EDNRA: variants seen among roughly 807,000 people sequenced by gnomAD.
The protein encoded by EDNRA is endothelin receptor type A.
Under a neutral mutation model 41.4 loss-of-function variants are expected in EDNRA, and 11 were observed. The observed-to-expected ratio is 0.27, with a 90% CI of 0.17 to 0.44. EDNRA has a LOEUF of 0.44. Among genes scored for constraint, EDNRA ranks in the 20% least tolerant of loss-of-function variants. The pLI, the probability that EDNRA is intolerant of heterozygous loss-of-function variation, is 1.00. For synonymous variants in EDNRA, 172 were observed against 183.0 expected (o/e 0.94, Z 0.49); for missense variants, 294 against 531.0 (o/e 0.55, Z 4.39).
intron 2 of EDNRA, among the ~76,000 whole-genome samples, chr4:147,512,602 G>A (rs1729966699): frequency 6.6e-6 from 1 of 152,184 alleles, no homozygotes; most frequent in Non-Finnish European, 1.5e-5. Flanking sequence ...TGCTGTAAGT[G>A]CTTTTCATGT....
In EDNRA at chr4:147,535,749, C is replaced by G. The variant is rs1578815226; in HGVS notation, c.748-128C>G. ...AGCCCCACTCCCAAACCCATCACTG[C>G]AACCAGAGAGCATGATTTTACAGAT... On this transcript the variant is annotated intron_variant, in intron 4 of 7. Coordinates refer to ENST00000651419, the MANE Select transcript of EDNRA (RefSeq NM_001957.4). The G allele has an allele frequency of 3.4e-6, 4 of 1,191,246 alleles. No individual in the cohort carries two copies. The East Asian group carries it at 9.5e-5, about 28-fold the overall frequency. The allele number at this position is 1,191,246 out of a possible 1,614,324, so 73.8% of individuals were successfully genotyped here.
intron 2 of EDNRA, among the ~76,000 whole-genome samples, chr4:147,511,948 C>G (rs1729943391): frequency 6.6e-6 from 1 of 152,222 alleles, no homozygotes; most frequent in African/African-American, 2.4e-5. Context: ...CCACTCACAA[C>G]ACATGGAAAA....
rs773396976 is a variant in EDNRA, at chr4:147,544,627, C to T, written c.*2009C>T. ...GCAGTCAAATCTATTATTCCACTGG[C>T]GCATCATATGCAGTGATATATGCCT... On this transcript the variant is annotated 3_prime_UTR_variant, in exon 8 of 8. Coordinates refer to ENST00000651419, the MANE Select transcript of EDNRA (RefSeq NM_001957.4). 7 of 152,332 alleles carry T rather than the reference C, an allele frequency of 4.6e-5. No homozygotes were observed. The highest frequency in any genetic ancestry group is 2.1e-4 in the South Asian group (1 of 4,820). The allele number at this position is 152,332 out of a possible 1,614,324, so 9.4% of individuals were successfully genotyped here. A position where few individuals can be genotyped will look rare whatever the true frequency, so the allele number is the denominator to read the frequency against.
intron 2 of EDNRA, among the ~76,000 whole-genome samples, chr4:147,504,170 C>T (rs1018551985): frequency 2.6e-5 from 4 of 152,144 alleles, no homozygotes; most frequent in African/African-American, 7.2e-5. Flanking sequence ...GGATTTTCAT[C>T]GTCTTTTCAG....
chr4:147,537,611 A>T (rs1426607705), intron 5 of EDNRA, among the ~76,000 whole-genome samples: 2 of 151,716 alleles, frequency 1.3e-5, no homozygotes, highest in Non-Finnish European at 2.9e-5. Context: ...AATTGTGGAA[A>T]GAAATAATTG....
At position 147,544,507 on chromosome 4, in the gene EDNRA, T is replaced by A. The variant is rs1237698444; in HGVS notation, c.*1889T>A. Reference sequence around the variant, plus strand: ...ATTGCTGATAATAAATTAGGTAAGATAATTTGTTGGGCCATATTTTAGGAC... The same window carrying A: ...ATTGCTGATAATAAATTAGGTAAGAAAATTTGTTGGGCCATATTTTAGGAC... On this transcript the variant is annotated 3_prime_UTR_variant, in exon 8 of 8. Coordinates refer to ENST00000651419, the MANE Select transcript of EDNRA (RefSeq NM_001957.4). 6.6e-6 allele frequency: 1 copy of A among 152,660 alleles called. No individual in the cohort carries two copies. Among genetic ancestry groups the A allele is most frequent in the Non-Finnish European group, 1.5e-5 (1 of 68,044 alleles). 9.5% of individuals were successfully genotyped at this position (152,660 alleles called of 1,614,324 possible).
intron 1 of EDNRA, among the ~76,000 whole-genome samples, chr4:147,482,524 C>T (rs990278956): frequency 6.6e-6 from 1 of 152,222 alleles, no homozygotes. Context: ...AAATGAGCTA[C>T]AGACCCACCT....
intron 7 of EDNRA, among the ~76,000 whole-genome samples, chr4:147,541,360 T>C (rs1000684000): frequency 3.9e-5 from 6 of 152,158 alleles, no homozygotes; most frequent in Admixed American, 2.6e-4. Flanking sequence ...GACCAGGCTG[T>C]TTAACTTTAG....
At chr4:147,530,239 AC>A (rs1730699657) in intron 3 of EDNRA, among the ~76,000 whole-genome samples, 2 of 152,138 alleles carry the variant, frequency 1.3e-5, no homozygotes, top group Admixed American at 1.3e-4. Context: ...TATTTAAATC[AC>A]CTTCCCTGGT....
intron 2 of EDNRA, among the ~76,000 whole-genome samples, chr4:147,510,442 T>C (rs1729879955): frequency 6.6e-6 from 1 of 152,210 alleles, no homozygotes. Context: ...AACCTAATGT[T>C]ATCTCATTTC....
intron 1 of EDNRA, among the ~76,000 whole-genome samples, chr4:147,485,038 T>G (rs1728896243): frequency 6.6e-6 from 1 of 152,218 alleles, no homozygotes; most frequent in Non-Finnish European, 1.5e-5. Context: ...GATAATTTTA[T>G]TTTATGCCTC....
chr4:147,532,653 G>A lies in EDNRA; in HGVS notation c.696G>A (p.Arg232=). 6.2e-7 allele frequency: 1 copy of A among 1,614,006 alleles called. No individual in the cohort carries two copies. Among genetic ancestry groups the A allele is most frequent in the South Asian group, 1.1e-5 (1 of 91,058 alleles). The change falls in exon 4 of 8, where the codon AGG becomes AGA. Residue 232 remains arginine, a synonymous_variant. Transcript: ENST00000651419. ...IGFVMVPFEY[R]GEQHKTCMLN... ...TCGTCATGGTACCCTTTGAATATAG[G>A]GGTGAACAGCATAAAACCTGTATGC...
chr4:147,521,122 G>C (rs1276479243), intron 3 of EDNRA, among the ~76,000 whole-genome samples: 1 of 152,078 alleles, frequency 6.6e-6, no homozygotes, highest in Non-Finnish European at 1.5e-5. Context: ...GCTGGACATG[G>C]TGATGCATGC....
chr4:147,538,597 CT>C (rs1336620303), intron 5 of EDNRA, among the ~76,000 whole-genome samples: 6 of 152,196 alleles, frequency 3.9e-5, no homozygotes, highest in African/African-American at 1.4e-4. Flanking sequence ...GGCACACTGT[CT>C]TTCTGGACAC....
chr4:147,538,755 C>T (rs758872662), intron 5 of EDNRA, among the ~76,000 whole-genome samples: 11 of 152,146 alleles, frequency 7.2e-5, no homozygotes, highest in African/African-American at 1.7e-4. Context: ...GCTAGAGTAG[C>T]GAGTTATGAA....
Position 147,523,640 on chromosome 4 carries a change from A to G in EDNRA, c.548+3662A>G, listed in dbSNP as rs577083845. On this transcript the variant is annotated intron_variant, in intron 3 of 7. Transcript: ENST00000651419. ...CGAGTAGCTGGGACTACAGGTGCCC[A>G]CCACCACGCCCGGCTTATTTTTTGT... 3.3e-3 allele frequency among the ~76,000 whole-genome samples: 492 copies of G among 150,792 alleles called. 2 individuals are homozygous for G. Among genetic ancestry groups the G allele is most frequent in the Non-Finnish European group, 5.9e-3 (401 of 67,724 alleles).
chr4:147,485,492 TATATC>T, intron 1 of EDNRA, 115 bp from the exon 2 acceptor site: 1 of 717,890 alleles, frequency 1.4e-6, no homozygotes, highest in Non-Finnish European at 2.2e-6. Flanking sequence ...CTGATATACA[TATATC>T]TTATCTAATC....
At chr4:147,521,156 G>T (rs553008120) in intron 3 of EDNRA, among the ~76,000 whole-genome samples, 4 of 152,112 alleles carry the variant, frequency 2.6e-5, no homozygotes, top group African/African-American at 9.6e-5. Flanking sequence ...TATTCAGGAG[G>T]CTAAGGTGGG....
chr4:147,542,761 G>A lies in EDNRA; in HGVS notation c.*143G>A. The A allele has an allele frequency of 9.2e-7, 1 of 1,084,462 alleles. No homozygotes were observed. The highest frequency in any genetic ancestry group is 1.8e-5 in the South Asian group (1 of 56,486). The allele number at this position is 1,084,462 out of a possible 1,614,324, so 67.2% of individuals were successfully genotyped here. ...CCAAGAAGAAATGCTTTCCAAAACCGCAAGGGTAGACTGGTTTATCCACCC... is the reference window on the plus strand; with the variant it reads ...CCAAGAAGAAATGCTTTCCAAAACCACAAGGGTAGACTGGTTTATCCACCC... On this transcript the variant is annotated 3_prime_UTR_variant, in exon 8 of 8. Transcript: ENST00000651419.
Sources: gnomAD v4.1 joint callset for allele counts (sites outside exome capture counted in the v4.1 genomes callset) on GRCh38, gnomAD v4.1.1 for gene constraint, MANE v1.5 for transcripts, NCBI Gene and HGNC (gene_info 2026-07-23, HGNC 2026-07-21) for gene names.